CRIM1: variants seen among roughly 807,000 people sequenced by gnomAD.
CRIM1 encodes cysteine rich transmembrane BMP regulator 1.
Under a neutral mutation model 116.4 loss-of-function variants are expected in CRIM1, and 32 were observed. That is an observed-to-expected ratio of 0.27 (90% confidence interval 0.21 to 0.37). The LOEUF is 0.37. CRIM1 is among the 10% of genes least tolerant of loss of function. The pLI is 1.00. For synonymous variants in CRIM1, 590 were observed against 509.2 expected (o/e 1.16, Z -2.13); for missense variants, 1,331 against 1,354.8 (o/e 0.98, Z 0.28).
At chr2:36,528,364 A>T (rs1331675468) in intron 13 of CRIM1, among the ~76,000 whole-genome samples, 3 of 152,212 alleles carry the variant, frequency 2.0e-5, no homozygotes, top group African/African-American at 7.2e-5. Context: ...CTCCATCGTA[A>T]CCCAGGTAGA....
At chr2:36,390,323 A>G (rs937340356) in intron 1 of CRIM1, among the ~76,000 whole-genome samples, 16 of 152,214 alleles carry the variant, frequency 1.1e-4, no homozygotes, top group African/African-American at 3.6e-4. Flanking sequence ...AGACCTATGC[A>G]TCTGTGTGTA....
intron 7 of CRIM1, among the ~76,000 whole-genome samples, chr2:36,479,999 C>G (rs1288684658): frequency 1.3e-5 from 2 of 152,174 alleles, no homozygotes; most frequent in Non-Finnish European, 2.9e-5. Flanking sequence ...AAAGGTCAGC[C>G]TAACAAAATG....
At chr2:36,448,615 C>T (rs1000242716) in intron 4 of CRIM1, among the ~76,000 whole-genome samples, 16 of 103,674 alleles carry the variant, frequency 1.5e-4, no homozygotes, top group Admixed American at 7.9e-4. Context: ...AAATACCCTA[C>T]GCCTTTTGAT....
chr2:36,380,583 T>C (rs1558518414), intron 1 of CRIM1, among the ~76,000 whole-genome samples: 1 of 151,984 alleles, frequency 6.6e-6, no homozygotes, highest in East Asian at 1.9e-4. Context: ...AACAAAGAAA[T>C]CAAAAGAAGG....
intron 12 of CRIM1, 142 bp from the exon 13 acceptor site, chr2:36,521,950 A>T: frequency 1.5e-6 from 1 of 663,436 alleles, no homozygotes; most frequent in Non-Finnish European, 2.7e-6. Flanking sequence ...TTCCCGAATC[A>T]TACTTTCTGA....
intron 4 of CRIM1, among the ~76,000 whole-genome samples, chr2:36,450,603 G>A (rs927277779): frequency 6.6e-6 from 1 of 152,070 alleles, no homozygotes; most frequent in African/African-American, 2.4e-5. Flanking sequence ...GACCTTAGAA[G>A]GCAATTTCCC....
intron 2 of CRIM1, among the ~76,000 whole-genome samples, chr2:36,420,409 C>T (rs190265383): frequency 6.6e-6 from 1 of 152,258 alleles, no homozygotes; most frequent in East Asian, 1.9e-4. Context: ...GGTTGGAACC[C>T]AGATGGTTTC....
At chr2:36,422,162 A>T (rs1258971074) in intron 2 of CRIM1, among the ~76,000 whole-genome samples, 1 of 150,916 alleles carries the variant, frequency 6.6e-6, no homozygotes, top group Non-Finnish European at 1.5e-5. Flanking sequence ...AATTTTATTG[A>T]TGTGAATTTA....
At chr2:36,489,830 CAG>C (rs1680095783) in intron 7 of CRIM1, among the ~76,000 whole-genome samples, 5 of 152,182 alleles carry the variant, frequency 3.3e-5, no homozygotes, top group African/African-American at 1.2e-4. Context: ...GCCAGGCACA[CAG>C]AGTCATTGTT....
At chr2:36,410,890 A>G (rs1034042101) in intron 2 of CRIM1, among the ~76,000 whole-genome samples, 4 of 152,192 alleles carry the variant, frequency 2.6e-5, no homozygotes, top group African/African-American at 7.2e-5. Context: ...TTGAAGCCAC[A>G]TTGAGGAGGG....
intron 4 of CRIM1, among the ~76,000 whole-genome samples, chr2:36,446,443 C>T (rs1272280645): frequency 1.3e-5 from 2 of 152,222 alleles, no homozygotes; most frequent in Non-Finnish European, 2.9e-5. Context: ...ACTTCTATCC[C>T]TCACAAATAC....
At chr2:36,444,855 C>G (rs1247499058) in intron 4 of CRIM1, among the ~76,000 whole-genome samples, 1 of 152,208 alleles carries the variant, frequency 6.6e-6, no homozygotes. Context: ...GCTTCTACCT[C>G]TCCTTCAAGA....
intron 4 of CRIM1, among the ~76,000 whole-genome samples, chr2:36,451,023 C>T (rs772126738): frequency 3.9e-5 from 6 of 152,158 alleles, no homozygotes; most frequent in Admixed American, 6.5e-5. Flanking sequence ...CCTTCAGAAG[C>T]ACTTGAGTTA....
At chr2:36,475,633 G>A (rs1215293025) in intron 5 of CRIM1, among the ~76,000 whole-genome samples, 2 of 152,194 alleles carry the variant, frequency 1.3e-5, no homozygotes, top group Non-Finnish European at 2.9e-5. Context: ...GAAGTGGTGA[G>A]AACACACCTC....
Position 36,535,352 on chromosome 2 carries a change from C to T in CRIM1, c.2429-2000C>T, listed in dbSNP as rs181964925. Among the ~76,000 whole-genome samples, 6 of 152,288 alleles carry T rather than the reference C, an allele frequency of 3.9e-5. No individual in the cohort carries two copies. In the East Asian group the frequency reaches 1.2e-3, roughly 29 times the overall value. On this transcript the variant is annotated intron_variant, in intron 13 of 16. Coordinates refer to ENST00000280527, the MANE Select transcript of CRIM1 (RefSeq NM_016441.3). ...ATTTTGGATACCTTAGTGAAGTCGC[C>T]TCTTTTAAGGATTCCATATTAATCA...
intron 2 of CRIM1, among the ~76,000 whole-genome samples, chr2:36,428,908 A>C (rs925934648): frequency 1.3e-5 from 2 of 152,236 alleles, no homozygotes; most frequent in African/African-American, 4.8e-5. Flanking sequence ...GTCACCCAGA[A>C]TAAAGACACC....
rs962005971 is a variant in CRIM1 at position 36,550,717 on chromosome 2, A to G, written c.*2016A>G. 1 of 152,568 alleles carries G rather than the reference A, an allele frequency of 6.6e-6. No homozygotes were observed. Among genetic ancestry groups the G allele is most frequent in the Non-Finnish European group, 1.5e-5 (1 of 68,016 alleles). The allele number at this position is 152,568 out of a possible 1,614,324, so 9.5% of individuals were successfully genotyped here. A position where few individuals can be genotyped will look rare whatever the true frequency, so the allele number is the denominator to read the frequency against. On this transcript the variant is annotated 3_prime_UTR_variant, in exon 17 of 17. Coordinates refer to ENST00000280527, the MANE Select transcript of CRIM1 (RefSeq NM_016441.3). ...TTATCTTTTCCAAAATAAATTTGTT[A>G]ATGATACATTACAAAAATAGATTGA...
At position 36,550,722 on chromosome 2, in the gene CRIM1, T is replaced by C. The variant is rs1198309620; in HGVS notation, c.*2021T>C. On this transcript the variant is annotated 3_prime_UTR_variant, in exon 17 of 17. Transcript: ENST00000280527. Reference sequence around the variant, plus strand: ...TTTTCCAAAATAAATTTGTTAATGATACATTACAAAAATAGATTGACATCA... The same window carrying C: ...TTTTCCAAAATAAATTTGTTAATGACACATTACAAAAATAGATTGACATCA... 6.6e-6 allele frequency: 1 copy of C among 152,538 alleles called. No individual in the cohort carries two copies. Among genetic ancestry groups the C allele is most frequent in the Non-Finnish European group, 1.5e-5 (1 of 68,008 alleles). The allele number at this position is 152,538 out of a possible 1,614,324, so 9.4% of individuals were successfully genotyped here.
intron 1 of CRIM1, among the ~76,000 whole-genome samples, chr2:36,384,611 C>G (rs1425802534): frequency 6.6e-6 from 1 of 152,200 alleles, no homozygotes; most frequent in Non-Finnish European, 1.5e-5. Context: ...GGGATCAGAT[C>G]ACTGCTGTGT....
Sources: allele counts gnomAD v4.1 joint callset (sites outside exome capture counted in the v4.1 genomes callset), GRCh38; gene constraint gnomAD v4.1.1; transcripts MANE v1.5; gene names NCBI Gene and HGNC (gene_info 2026-07-23, HGNC 2026-07-21).